Variants in PCDHA3 observed in about 807,000 individuals in gnomAD.
PCDHA3 encodes the protein protocadherin alpha 3, also known as protocadherin alpha-3.
PCDHA3 carries 41 observed loss-of-function variants against 62.2 expected under a neutral mutation model. The observed-to-expected ratio is 0.66, with a 90% CI of 0.51 to 0.86. The LOEUF (loss-of-function observed/expected upper bound fraction) is 0.86. PCDHA3 is among the 40% of genes least tolerant of loss of function. The probability of loss-of-function intolerance (pLI) is 0.00; values close to 1 mark genes in which losing one functional copy is unlikely to be tolerated. For synonymous variants in PCDHA3, 640 were observed against 555.4 expected, an observed-to-expected ratio of 1.15 and a Z score of -2.14; for missense variants, 1,304 against 1,241.2, an observed-to-expected ratio of 1.05 and a Z score of -0.76.
Position 140,927,005 on chromosome 5 carries a change from A to G in PCDHA3, c.2395-51944A>G, listed in dbSNP as rs1554203909. On this transcript the variant is annotated intron_variant, in intron 1 of 3. Coordinates refer to ENST00000522353, the MANE Select transcript of PCDHA3 (RefSeq NM_018906.3). ...ACGGAGCGGGGCGTAGCCGTAGGCA[A>G]TCTCTCCGCGGACTTGAGGCTGCCA... 6 of 1,612,394 alleles carry G rather than the reference A, an allele frequency of 3.7e-6. No homozygotes were observed. The South Asian group carries it at 4.4e-5, about 12-fold the overall frequency.
Position 140,801,843 on chromosome 5 carries a change from G to C in PCDHA3, c.646G>C (p.Asp216His). 1.2e-6 allele frequency: 2 copies of C among 1,614,048 alleles called. No homozygotes were observed. Among genetic ancestry groups the C allele is most frequent in the Non-Finnish European group, 1.7e-6 (2 of 1,180,032 alleles). ...GCATTATTTACTAATAACAGCAATTGATGGTGGGAAACCAGAGCTCACTGG... is the reference window on the plus strand; with the variant it reads ...GCATTATTTACTAATAACAGCAATTCATGGTGGGAAACCAGAGCTCACTGG... ...PKHYLLITAI[D>H]GGKPELTGTT... The change falls in exon 1 of 4, where the codon GAT becomes CAT. Residue 216 changes from aspartate (D) to histidine (H), a missense_variant. Transcript: ENST00000522353.
rs139717123 is a variant in PCDHA3, at chr5:140,967,213, G to A, written c.2395-11736G>A. 8 of 1,613,598 alleles carry A rather than the reference G, an allele frequency of 5.0e-6. No individual in the cohort carries two copies. The African/African-American group carries it at 8.0e-5, about 16-fold the overall frequency. On this transcript the variant is annotated intron_variant, in intron 1 of 3. Coordinates refer to ENST00000522353, the MANE Select transcript of PCDHA3 (RefSeq NM_018906.3). ...TCAACGACAACTCACCGCGTTTCCC[G>A]CGGCCCAACTACCAGCTTCAGGTAA...
At chr5:140,812,178 T>C (rs1354960271) in intron 1 of PCDHA3, 1 of 152,072 alleles carries the variant, frequency 6.6e-6, no homozygotes, top group Non-Finnish European at 1.5e-5. Context: ...AGGTTTGGAT[T>C]ACTGATTCAA....
chr5:140,897,415 A>G (rs2066090522), intron 1 of PCDHA3, among the ~76,000 whole-genome samples: 1 of 138,406 alleles, frequency 7.2e-6, no homozygotes, highest in South Asian at 2.3e-4. Context: ...TTCAATTCCC[A>G]TCTATGAGTG....
At chr5:140,863,351 C>A in intron 1 of PCDHA3, 1 of 1,288,682 alleles carries the variant, frequency 7.8e-7, no homozygotes, top group Non-Finnish European at 1.1e-6. Flanking sequence ...CTGTACACGA[C>A]GCTGCGGTGC....
rs781870271 is a variant in PCDHA3, at chr5:140,968,199, T to C, written c.2395-10750T>C. The C allele has an allele frequency of 4.3e-6, 7 of 1,613,986 alleles. No homozygotes were observed. The South Asian group carries it at 7.7e-5, about 18-fold the overall frequency. The stretch of plus-strand genomic sequence containing the variant: ...CTGGAGGACTCCTATTCCATCTACA[T>C]ACAGGAGAACAATTTGCCAGGTGTG... On this transcript the variant is annotated intron_variant, in intron 1 of 3. Transcript: ENST00000522353.
intron 1 of PCDHA3, chr5:140,848,382 A>G (rs1781481675): frequency 8.4e-7 from 1 of 1,188,868 alleles, no homozygotes; most frequent in Non-Finnish European, 1.2e-6. Context: ...ATTCTTTTTC[A>G]CTCTCTCTGT....
intron 1 of PCDHA3, chr5:140,927,406 G>A (rs782729912): frequency 1.2e-6 from 2 of 1,614,210 alleles, no homozygotes; most frequent in Admixed American, 1.7e-5. Flanking sequence ...CTTTCGCCTG[G>A]ACATGGGATC....
At chr5:140,935,638 T>G (rs1452378093) in intron 1 of PCDHA3, among the ~76,000 whole-genome samples, 2 of 152,214 alleles carry the variant, frequency 1.3e-5, no homozygotes, top group Admixed American at 6.5e-5. Context: ...TAGGGCTTGC[T>G]TTTTAAATTT....
At chr5:140,918,042 A>C (rs1363704503) in intron 1 of PCDHA3, among the ~76,000 whole-genome samples, 1 of 152,088 alleles carries the variant, frequency 6.6e-6, no homozygotes, top group African/African-American at 2.4e-5. Flanking sequence ...AGGTCTTTCC[A>C]TTTGTTTTAT....
chr5:140,825,137 A>G (rs1027495465), intron 1 of PCDHA3: 8 of 151,772 alleles, frequency 5.3e-5, no homozygotes, highest in Non-Finnish European at 1.0e-4. Flanking sequence ...TAAAAAACAT[A>G]TGAGTATTGA....
intron 1 of PCDHA3, chr5:140,805,622 T>G: frequency 1.1e-6 from 1 of 915,270 alleles, no homozygotes; most frequent in Non-Finnish European, 1.3e-6. Context: ...TGTAAGAAAA[T>G]GTATTGTGGT....
chr5:140,850,031 G>A (rs2150464401), intron 1 of PCDHA3: 5 of 1,596,722 alleles, frequency 3.1e-6, no homozygotes, highest in East Asian at 4.5e-5. Context: ...CAGTGCACGC[G>A]GAGAGCGGCA....
In PCDHA3 at chr5:140,846,712, C is replaced by A. The variant is rs1014332332; in HGVS notation, c.2394+43121C>A. Among the ~76,000 whole-genome samples, 13 of 149,346 alleles carry A rather than the reference C, an allele frequency of 8.7e-5. 2 individuals are homozygous for A. Among genetic ancestry groups the A allele is most frequent in the South Asian group, 8.5e-4 (4 of 4,692 alleles). ...TAGCAAGTAGAGAAGATTGTAATAA[C>A]CAGTCTTCATTAAACATTAAATAGG... On this transcript the variant is annotated intron_variant, in intron 1 of 3. Transcript: ENST00000522353.
At chr5:140,973,697 C>G (rs1474916406) in intron 1 of PCDHA3, among the ~76,000 whole-genome samples, 1 of 152,226 alleles carries the variant, frequency 6.6e-6, no homozygotes, top group Non-Finnish European at 1.5e-5. Context: ...CTGTTTCCTT[C>G]TGACCCAGGA....
chr5:140,855,966 T>G (rs1554148056), intron 1 of PCDHA3: 7 of 1,422,780 alleles, frequency 4.9e-6, no homozygotes, highest in Non-Finnish European at 2.9e-6. Flanking sequence ...AAAATAGATA[T>G]AAGAAATAGG....
intron 1 of PCDHA3, chr5:140,822,998 T>C (rs2150121149): frequency 6.2e-7 from 1 of 1,614,240 alleles, no homozygotes; most frequent in South Asian, 1.1e-5. Flanking sequence ...TCGTTGGTGC[T>C]GGACAGCGCC....
At chr5:140,935,004 T>C (rs574626430) in intron 1 of PCDHA3, among the ~76,000 whole-genome samples, 1 of 152,340 alleles carries the variant, frequency 6.6e-6, no homozygotes, top group African/African-American at 2.4e-5. Flanking sequence ...ATCCTTTTCA[T>C]GTGAGTCTTA....
intron 1 of PCDHA3, chr5:140,808,312 C>G (rs1330097082): frequency 3.1e-6 from 5 of 1,614,124 alleles, no homozygotes; most frequent in Non-Finnish European, 4.2e-6. Flanking sequence ...TCAGCGTGTC[C>G]GACAAAGACA....
Sources: allele counts gnomAD v4.1 joint callset (sites outside exome capture counted in the v4.1 genomes callset), GRCh38; gene constraint gnomAD v4.1.1; transcripts MANE v1.5; gene names NCBI Gene and HGNC (gene_info 2026-07-23, HGNC 2026-07-21).